Variants in ARHGEF17 observed in about 807,000 individuals in gnomAD.
ARHGEF17 encodes the protein 164 kDa Rho-specific guanine-nucleotide exchange factor.
ARHGEF17 carries 80 observed loss-of-function variants against 174.0 expected under a neutral mutation model. The ratio of observed to expected loss-of-function variants is 0.46; its 90% CI spans 0.38 to 0.55. The LOEUF is 0.55. ARHGEF17 is among the 20% of genes least tolerant of loss of function. The pLI, the probability that ARHGEF17 is intolerant of heterozygous loss-of-function variation, is 0.00. For synonymous variants in ARHGEF17, 1,311 were observed against 1,189.1 expected (o/e 1.10, Z -2.11); for missense variants, 2,886 against 2,839.7 (o/e 1.02, Z -0.37).
chr11:73,363,540 G>T, intron 15 of ARHGEF17, 85 bp downstream of exon 15: 1 of 1,542,752 alleles, frequency 6.5e-7, no homozygotes, highest in Non-Finnish European at 8.7e-7. Flanking sequence ...TGGAGCCAAG[G>T]CAGGAGGGCT....
At chr11:73,333,198 A>G (rs625572) in intron 1 of ARHGEF17, among the ~76,000 whole-genome samples, 126,286 of 152,190 alleles carry the variant, frequency 0.83, 52,539 homozygotes, top group Middle Eastern at 0.86. Flanking sequence ...CCTGAGTTTT[A>G]AAGGCCGAAA....
chr11:73,356,791 C>T (rs1340689924), intron 7 of ARHGEF17, 32 bp downstream of exon 7: 1 of 1,613,912 alleles, frequency 6.2e-7, no homozygotes, highest in Admixed American at 1.7e-5. Flanking sequence ...GTCCGGCTGT[C>T]CCCACCTCCT....
intron 1 of ARHGEF17, among the ~76,000 whole-genome samples, chr11:73,312,794 G>A (rs557516025): frequency 2.0e-5 from 3 of 151,902 alleles, no homozygotes. Context: ...CCCCTTCTTG[G>A]TGACTCTGAG....
chr11:73,322,635 A>G (rs1591725684), intron 1 of ARHGEF17, among the ~76,000 whole-genome samples: 1 of 152,318 alleles, frequency 6.6e-6, no homozygotes, highest in South Asian at 2.1e-4. Context: ...TCTGAGGCCA[A>G]GAGGGGCAGG....
intron 1 of ARHGEF17, among the ~76,000 whole-genome samples, chr11:73,345,667 C>T (rs1865448577): frequency 6.6e-6 from 1 of 152,190 alleles, no homozygotes; most frequent in Non-Finnish European, 1.5e-5. Context: ...ACATGGACAC[C>T]CTGGCATTGC....
intron 11 of ARHGEF17, 119 bp from the exon 12 acceptor site, chr11:73,360,969 C>T (rs1454757553): frequency 6.5e-6 from 5 of 773,086 alleles, no homozygotes; most frequent in Non-Finnish European, 8.5e-6. Context: ...TGGGATCAGG[C>T]CTTCCCCTAA....
At chr11:73,323,474 G>A (rs1159116776) in intron 1 of ARHGEF17, among the ~76,000 whole-genome samples, 1 of 152,234 alleles carries the variant, frequency 6.6e-6, no homozygotes, top group African/African-American at 2.4e-5. Flanking sequence ...TAGATCCTGA[G>A]ACCAGTGCTA....
At chr11:73,362,789 A>T (rs1865769751) in intron 14 of ARHGEF17, 55 bp downstream of exon 14, 2 of 1,560,378 alleles carry the variant, frequency 1.3e-6, no homozygotes, top group Admixed American at 1.7e-5. Context: ...TGGACTGCCC[A>T]GAGGAGGGGG....
At chr11:73,336,905 G>A (rs1865294839) in intron 1 of ARHGEF17, among the ~76,000 whole-genome samples, 1 of 152,240 alleles carries the variant, frequency 6.6e-6, no homozygotes, top group Admixed American at 6.5e-5. Flanking sequence ...CATGGCCCCT[G>A]CATGTGGCCT....
At chr11:73,363,925 C>A in intron 16 of ARHGEF17, 92 bp downstream of exon 16, 1 of 1,374,294 alleles carries the variant, frequency 7.3e-7, no homozygotes, top group Non-Finnish European at 1.0e-6. Flanking sequence ...GCTCTACTGT[C>A]CCTCCTCTGT....
Position 73,360,403 on chromosome 11 carries a change from C to T in ARHGEF17, c.4290C>T (p.Ser1430=). The change falls in exon 11 of 21, where the codon TCC becomes TCT. Residue 1430 remains serine, a synonymous_variant. Coordinates refer to ENST00000263674, the MANE Select transcript of ARHGEF17 (RefSeq NM_014786.4). ...SEKQALCYAL[S]FPPTKLELCA... ...AGCAGGCGCTGTGCTACGCGCTTTC[C>T]TTCCCGCCAACCAAGCTGGAGCTGT... The T allele has an allele frequency of 6.2e-7, 1 of 1,613,990 alleles. No individual in the cohort carries two copies. The highest frequency in any genetic ancestry group is 8.5e-7 in the Non-Finnish European group (1 of 1,180,048).
chr11:73,334,311 T>C (rs1865254167), intron 1 of ARHGEF17, among the ~76,000 whole-genome samples: 1 of 152,078 alleles, frequency 6.6e-6, no homozygotes, highest in African/African-American at 2.4e-5. Context: ...AAAAGTTAGA[T>C]GGCGTTTAAA....
At chr11:73,354,470 C>T (rs1865603454) in intron 3 of ARHGEF17, among the ~76,000 whole-genome samples, 2 of 152,174 alleles carry the variant, frequency 1.3e-5, no homozygotes, top group South Asian at 4.1e-4. Context: ...AATCCCAGCA[C>T]TTTGGGAGGC....
chr11:73,325,864 G>A (rs1865093503), intron 1 of ARHGEF17, among the ~76,000 whole-genome samples: 1 of 152,254 alleles, frequency 6.6e-6, no homozygotes, highest in African/African-American at 2.4e-5. Context: ...GCCGCTTCCT[G>A]CCTGGGAGCA....
chr11:73,315,648 G>A (rs898995031), intron 1 of ARHGEF17, among the ~76,000 whole-genome samples: 7 of 152,190 alleles, frequency 4.6e-5, no homozygotes, highest in Admixed American at 1.3e-4. Flanking sequence ...CACCCAGCAG[G>A]AGGGGGTGAG....
intron 1 of ARHGEF17, among the ~76,000 whole-genome samples, chr11:73,328,516 C>T (rs1311471496): frequency 6.6e-6 from 1 of 152,180 alleles, no homozygotes. Context: ...CCTGAGGTCG[C>T]TCTACCCAAG....
chr11:73,351,327 GT>G lies in ARHGEF17; in HGVS notation c.3271-1495del, dbSNP rs113165136. ...ATGCTTTTTCAAACAACACCCTCCTGTTTTTTTTAGCCTGCAGTTACAGCGT... is the reference window on the plus strand; with the variant it reads ...ATGCTTTTTCAAACAACACCCTCCTGTTTTTTTAGCCTGCAGTTACAGCGT... On this transcript the variant is annotated intron_variant, in intron 2 of 20. Coordinates refer to ENST00000263674, the MANE Select transcript of ARHGEF17 (RefSeq NM_014786.4). Among the ~76,000 whole-genome samples the G allele has an allele frequency of 3.4e-4, 52 of 150,888 alleles. No individual in the cohort carries two copies. The South Asian group carries it at 7.9e-3, about 23-fold the overall frequency.
intron 1 of ARHGEF17, among the ~76,000 whole-genome samples, chr11:73,337,103 C>T (rs968345764): frequency 6.6e-6 from 1 of 152,212 alleles, no homozygotes; most frequent in African/African-American, 2.4e-5. Flanking sequence ...CCTCGTCTTT[C>T]TGTGGGAAGA....
intron 1 of ARHGEF17, among the ~76,000 whole-genome samples, chr11:73,340,072 C>T (rs1202769564): frequency 1.3e-5 from 2 of 152,178 alleles, no homozygotes; most frequent in Admixed American, 1.3e-4. Context: ...CACCTGGTGC[C>T]CTCAGCCCCC....
Sources: gnomAD v4.1 joint callset for allele counts (sites outside exome capture counted in the v4.1 genomes callset) on GRCh38, gnomAD v4.1.1 for gene constraint, MANE v1.5 for transcripts, NCBI Gene and HGNC (gene_info 2026-07-23, HGNC 2026-07-21) for gene names.